Variants in PHACTR2 observed in about 807,000 individuals in gnomAD.
PHACTR2 encodes the protein chromosome 6 open reading frame 56.
A neutral mutation model predicts 76.0 loss-of-function variants in PHACTR2; 30 were observed. The ratio of observed to expected loss-of-function variants is 0.39; its 90% CI spans 0.30 to 0.54. The LOEUF (loss-of-function observed/expected upper bound fraction) is 0.54, where lower values mean the gene tolerates loss of function less well. Ranked by LOEUF, PHACTR2 falls within the 20% of genes least tolerant of loss-of-function variation. PHACTR2 has a pLI of 0.61. For missense variants in PHACTR2, 696 were observed against 781.1 expected, an observed-to-expected ratio of 0.89 and a Z score of 1.30; for synonymous variants, 292 against 292.5, an observed-to-expected ratio of 1.00 and a Z score of 0.02.
chr6:143,551,656 C>T (rs1235908394), intron 1 of PHACTR2, among the ~76,000 whole-genome samples: 2 of 152,004 alleles, frequency 1.3e-5, no homozygotes, highest in Non-Finnish European at 2.9e-5. Flanking sequence ...TCTAGGGAGA[C>T]TAAAGATGCT....
At chr6:143,815,910 A>G (rs1442971666) in intron 12 of PHACTR2, among the ~76,000 whole-genome samples, 1 of 142,636 alleles carries the variant, frequency 7.0e-6, no homozygotes, top group African/African-American at 2.6e-5. Context: ...AAAAAAAAAA[A>G]GAATTTATAG....
At chr6:143,538,761 A>G (rs1781143082) in intron 1 of PHACTR2, among the ~76,000 whole-genome samples, 5 of 152,236 alleles carry the variant, frequency 3.3e-5, no homozygotes. Flanking sequence ...TTGCCGCCCA[A>G]CATGTGTACT....
chr6:143,777,365 C>A lies in PHACTR2; in HGVS notation c.1627C>A (p.Gln543Lys). Residue 543 changes from glutamine to lysine, a missense_variant, in exon 9 of 13, where the codon CAA becomes AAA. This residue lies in a region of PHACTR2 where 236 missense variants were observed against 330.2 expected (regional missense o/e 0.71). Coordinates refer to ENST00000440869, the MANE Select transcript of PHACTR2 (RefSeq NM_001100164.2). This position sits in a 1 kb window ranked among gnomAD's most constrained non-coding sequence, Gnocchi z 4.6. ...GAGGCCCACAACTGAAGAATTAGAG[C>A]AAAGAAACATCCTAAAACGTGAGTA... ...SQRPTTEELE[Q>K]RNILKQKNEE... The A allele has an allele frequency of 6.3e-7, 1 of 1,595,826 alleles. No homozygotes were observed. The highest frequency in any genetic ancestry group is 8.6e-7 in the Non-Finnish European group (1 of 1,165,086).
chr6:143,557,929 T>G lies in PHACTR2; in HGVS notation c.217+20722T>G, dbSNP rs1775203743. 6.6e-6 allele frequency: 1 copy of G among 152,236 alleles called. No homozygotes were observed. The highest frequency in any genetic ancestry group is 2.4e-5 in the African/African-American group (1 of 41,448). 9.4% of individuals were successfully genotyped at this position (152,236 alleles called of 1,614,324 possible). A position where few individuals can be genotyped will look rare whatever the true frequency, so the allele number is the denominator to read the frequency against. ...TTTTTTCCCCCTTTGCTTTGTTTTG[T>G]TTTCTCATTCCTGCCTCAGCAATAC... On this transcript the variant is annotated intron_variant, in intron 1 of 11. Coordinates refer to the PHACTR2 transcript ENST00000367584. This position sits in a 1 kb window ranked among gnomAD's most constrained non-coding sequence, Gnocchi z 5.5.
chr6:143,670,157 G>A (rs1777126234), intron 1 of PHACTR2, among the ~76,000 whole-genome samples: 1 of 152,190 alleles, frequency 6.6e-6, no homozygotes, highest in Admixed American at 6.5e-5. Context: ...TTTTAAGAAT[G>A]TTGAATATTG....
rs1198052691 is a variant in PHACTR2, at chr6:143,744,170, G to T, written c.215-4815G>T. Among the ~76,000 whole-genome samples, 3 of 152,274 alleles carry T rather than the reference G, an allele frequency of 2.0e-5. No individual in the cohort carries two copies. In the East Asian group the frequency reaches 5.8e-4, roughly 29 times the overall value. Reference sequence around the variant, plus strand: ...TTTCAGATCATCCATAGGACAGAAGGTTGAGAATTTTTTTCCCTAGGACTG... The same window carrying T: ...TTTCAGATCATCCATAGGACAGAAGTTTGAGAATTTTTTTCCCTAGGACTG... On this transcript the variant is annotated intron_variant, in intron 2 of 12. Transcript: ENST00000440869.
At chr6:143,538,547 C>T (rs1478087293) in intron 1 of PHACTR2, among the ~76,000 whole-genome samples, 2 of 152,208 alleles carry the variant, frequency 1.3e-5, no homozygotes, top group South Asian at 4.1e-4. Flanking sequence ...CCTGCCGGGG[C>T]GTGAACGTGC....
chr6:143,788,626 C>A, intron 10 of PHACTR2, 147 bp from the exon 11 acceptor site: 1 of 518,752 alleles, frequency 1.9e-6, no homozygotes, highest in Non-Finnish European at 3.3e-6. Context: ...ATTAGAAATT[C>A]CCAAGATGCT....
chr6:143,690,156 A>G (rs1777611018), intron 1 of PHACTR2, among the ~76,000 whole-genome samples: 1 of 152,184 alleles, frequency 6.6e-6, no homozygotes, highest in South Asian at 2.1e-4. Flanking sequence ...TAAGTGTCCT[A>G]CATACCATCC....
chr6:143,634,029 A>G (rs1776409081), intron 1 of PHACTR2, among the ~76,000 whole-genome samples: 1 of 152,226 alleles, frequency 6.6e-6, no homozygotes, highest in African/African-American at 2.4e-5. Flanking sequence ...AGGTATGCCT[A>G]CTGACATCAT....
chr6:143,767,859 A>G lies in PHACTR2; in HGVS notation c.1232+2061A>G, dbSNP rs1343699628. Among the ~76,000 whole-genome samples the G allele has an allele frequency of 6.6e-6, 1 of 151,922 alleles. No homozygotes were observed. The highest frequency in any genetic ancestry group is 1.9e-4 in the East Asian group (1 of 5,194). ...GTTTTGTTTTGTTTTGTTTTTTGAGACAGAATCTTGCACTGTCACCCAGGC... is the reference window on the plus strand; with the variant it reads ...GTTTTGTTTTGTTTTGTTTTTTGAGGCAGAATCTTGCACTGTCACCCAGGC... On this transcript the variant is annotated intron_variant, in intron 6 of 12. Coordinates refer to ENST00000440869, the MANE Select transcript of PHACTR2 (RefSeq NM_001100164.2). This position sits in a 1 kb window ranked among gnomAD's most constrained non-coding sequence, Gnocchi z 4.4.
chr6:143,770,764 G>A (rs191675259), intron 6 of PHACTR2, among the ~76,000 whole-genome samples: 1 of 151,962 alleles, frequency 6.6e-6, no homozygotes, highest in Admixed American at 6.6e-5. Context: ...TATTTTTGAT[G>A]TGATGTTTTT....
intron 1 of PHACTR2, among the ~76,000 whole-genome samples, chr6:143,661,330 A>G (rs1165079433): frequency 4.6e-5 from 7 of 152,218 alleles, no homozygotes; most frequent in Non-Finnish European, 1.0e-4. Flanking sequence ...ACAAGAAAAC[A>G]CTGTAACACA....
At chr6:143,626,490 T>A (rs1183730980) in intron 1 of PHACTR2, among the ~76,000 whole-genome samples, 1 of 146,676 alleles carries the variant, frequency 6.8e-6, no homozygotes, top group Non-Finnish European at 1.5e-5. Context: ...TGAGCCGAGA[T>A]TGCGCCACTG....
In PHACTR2 at chr6:143,794,143, G is replaced by A. The variant is rs1184389240; in HGVS notation, c.1845+5233G>A. 6.6e-6 allele frequency among the ~76,000 whole-genome samples: 1 copy of A among 151,666 alleles called. No homozygotes were observed. Among genetic ancestry groups the A allele is most frequent in the Non-Finnish European group, 1.5e-5 (1 of 67,906 alleles). ...TTACTACCTAACACTGAAAAAAATTGTTCCCTCTAGTTGTTAAAAGATAAG... is the reference window on the plus strand; with the variant it reads ...TTACTACCTAACACTGAAAAAAATTATTCCCTCTAGTTGTTAAAAGATAAG... On this transcript the variant is annotated intron_variant, in intron 11 of 12. Transcript: ENST00000440869. The surrounding 1 kb of genome is among the most constrained non-coding windows in gnomAD (Gnocchi z 4.1).
rs1776090203 is a variant in PHACTR2, at chr6:143,618,256, A to AC, written c.13+9934_13+9935insC. 1.9e-4 allele frequency among the ~76,000 whole-genome samples: 27 copies of AC among 145,300 alleles called. No individual in the cohort carries two copies. The East Asian group carries it at 3.6e-3, about 20-fold the overall frequency. ...GTTCCACCTTGTACTTCCTGCTCCA[A>AC]ACACACACACACACACACACACACA... On this transcript the variant is annotated intron_variant, in intron 1 of 11. Coordinates refer to the PHACTR2 transcript ENST00000305766. The surrounding 1 kb of genome is among the most constrained non-coding windows in gnomAD (Gnocchi z 5.2).
In PHACTR2 at chr6:143,679,156, G is replaced by T. The variant is rs1462246456; in HGVS notation, c.46+947G>T. Among the ~76,000 whole-genome samples the T allele has an allele frequency of 6.6e-6, 1 of 152,126 alleles. No individual in the cohort carries two copies. Among genetic ancestry groups the T allele is most frequent in the African/African-American group, 2.4e-5 (1 of 41,414 alleles). On this transcript the variant is annotated intron_variant, in intron 1 of 12. Transcript: ENST00000440869. This position sits in a 1 kb window ranked among gnomAD's most constrained non-coding sequence, Gnocchi z 4.6. ...AGGAAATGACAGGGTACAGAGGAAG[G>T]TTTTTTAATCTGCCTCAGGATGTCT...
rs1233191504 is a variant in PHACTR2, at chr6:143,556,018, A to T, written c.217+18811A>T. On this transcript the variant is annotated intron_variant, in intron 1 of 11. Transcript: ENST00000367584. This position sits in a 1 kb window ranked among gnomAD's most constrained non-coding sequence, Gnocchi z 4.3. The stretch of plus-strand genomic sequence containing the variant: ...TTTTTTAAAAAGAAACAGAAAAAAA[A>T]CAAAAAGAAAAGAGACCAAACCTTT... Among the ~76,000 whole-genome samples, 5 of 152,130 alleles carry T rather than the reference A, an allele frequency of 3.3e-5. No individual in the cohort carries two copies. Among genetic ancestry groups the T allele is most frequent in the Non-Finnish European group, 7.3e-5 (5 of 68,032 alleles).
Position 143,580,317 on chromosome 6 carries a change from C to G in PHACTR2, c.217+43110C>G, listed in dbSNP as rs1394454370. On this transcript the variant is annotated intron_variant, in intron 1 of 11. Coordinates refer to the PHACTR2 transcript ENST00000367584. The surrounding 1 kb of genome is among the most constrained non-coding windows in gnomAD (Gnocchi z 4.2). ...TGGCCAACACGGTGAAACCCCGTCTCTACTAAAAATACAAAAAATTAGCCC... is the reference window on the plus strand; with the variant it reads ...TGGCCAACACGGTGAAACCCCGTCTGTACTAAAAATACAAAAAATTAGCCC... 1.3e-5 allele frequency among the ~76,000 whole-genome samples: 2 copies of G among 152,140 alleles called. No individual in the cohort carries two copies. Among genetic ancestry groups the G allele is most frequent in the Non-Finnish European group, 2.9e-5 (2 of 68,030 alleles).
Sources: allele counts gnomAD v4.1 joint callset (sites outside exome capture counted in the v4.1 genomes callset), GRCh38; gene constraint gnomAD v4.1.1; regional missense constraint gnomAD v4.1.1; non-coding constraint Gnocchi (gnomAD v3.1); transcripts MANE v1.5; gene names NCBI Gene and HGNC (gene_info 2026-07-23, HGNC 2026-07-21).